The following PIK3R4 variants were observed in gnomAD, a reference collection of about 807,000 sequenced individuals.
The protein encoded by PIK3R4 is phosphoinositide 3-kinase regulatory subunit 4.
PIK3R4 carries 46 observed loss-of-function variants against 136.5 expected under a neutral mutation model. The ratio of observed to expected loss-of-function variants is 0.34; its 90% CI spans 0.27 to 0.43. PIK3R4 has a LOEUF of 0.43. Among genes scored for constraint, PIK3R4 ranks in the 20% least tolerant of loss-of-function variants. The probability of loss-of-function intolerance (pLI) is 1.00; values close to 1 mark genes in which losing one functional copy is unlikely to be tolerated. For synonymous variants in PIK3R4, 557 were observed against 566.7 expected, an observed-to-expected ratio of 0.98 and a Z score of 0.24; for missense variants, 1,331 against 1,649.5, an observed-to-expected ratio of 0.81 and a Z score of 3.35.
intron 7 of PIK3R4, among the ~76,000 whole-genome samples, chr3:130,722,833 G>C (rs1286359349): frequency 6.7e-6 from 1 of 149,850 alleles, no homozygotes; most frequent in Non-Finnish European, 1.5e-5. Flanking sequence ...GGAGCAGGCA[G>C]ATCATGAGGT....
intron 13 of PIK3R4, among the ~76,000 whole-genome samples, chr3:130,692,546 G>A (rs1027214572): frequency 1.1e-4 from 16 of 152,184 alleles, no homozygotes; most frequent in Middle Eastern, 3.4e-3. Flanking sequence ...TCATTTTTAG[G>A]CTTAATATTA....
chr3:130,683,778 T>G (rs190103176), intron 16 of PIK3R4, among the ~76,000 whole-genome samples: 244 of 152,254 alleles, frequency 1.6e-3, no homozygotes, highest in African/African-American at 5.6e-3. Flanking sequence ...TATTTTTAAC[T>G]ACGTATTAAA....
intron 16 of PIK3R4, 60 bp from the exon 17 acceptor site, chr3:130,681,651 C>A: frequency 9.8e-7 from 1 of 1,025,350 alleles, no homozygotes; most frequent in South Asian, 1.4e-5. Flanking sequence ...AAGATTACAA[C>A]AAAACAAATT....
chr3:130,713,630 G>T (rs905990103), intron 9 of PIK3R4, among the ~76,000 whole-genome samples: 2 of 152,104 alleles, frequency 1.3e-5, no homozygotes, highest in African/African-American at 2.4e-5. Flanking sequence ...GCCCCATGAG[G>T]TAACTAATGA....
chr3:130,716,731 G>A (rs1334835852), intron 8 of PIK3R4, 132 bp from the exon 9 acceptor site: 1 of 627,544 alleles, frequency 1.6e-6, no homozygotes, highest in Non-Finnish European at 2.7e-6. Context: ...ATCTGTAAGT[G>A]TGTAGAAGAA....
At chr3:130,708,882 A>G (rs937539234) in intron 9 of PIK3R4, among the ~76,000 whole-genome samples, 1 of 152,176 alleles carries the variant, frequency 6.6e-6, no homozygotes, top group African/African-American at 2.4e-5. Context: ...ATATTAAGCA[A>G]AAGAAAGTGT....
intron 13 of PIK3R4, among the ~76,000 whole-genome samples, chr3:130,695,513 C>T (rs2066541148): frequency 6.6e-6 from 1 of 152,088 alleles, no homozygotes; most frequent in Non-Finnish European, 1.5e-5. Context: ...TCCCTCCTGC[C>T]CAGGACTTTA....
intron 9 of PIK3R4, among the ~76,000 whole-genome samples, chr3:130,711,827 T>A (rs1331166767): frequency 6.6e-6 from 1 of 152,220 alleles, no homozygotes; most frequent in Non-Finnish European, 1.5e-5. Context: ...AGAAACTCCC[T>A]GGCCGGAGGG....
In PIK3R4 at chr3:130,744,518, TCTC is replaced by T. The variant is rs1341423010; in HGVS notation, c.698_700del (p.Gly233del). 1.1e-5 allele frequency: 18 copies of T among 1,613,820 alleles called. No individual in the cohort carries two copies. The highest frequency in any genetic ancestry group is 1.4e-5 in the Non-Finnish European group (17 of 1,179,910). On this transcript the variant is annotated inframe_deletion, in exon 2 of 20. Coordinates refer to ENST00000356763, the MANE Select transcript of PIK3R4 (RefSeq NM_014602.3). ...AAAGATGTCCATTGCTCTCTTCAAC[TCTC>T]CTCTTGTTCTCTGATTGCTATTTAA...
intron 16 of PIK3R4, among the ~76,000 whole-genome samples, chr3:130,682,733 C>G (rs1439209661): frequency 1.3e-5 from 2 of 152,136 alleles, no homozygotes; most frequent in African/African-American, 4.8e-5. Flanking sequence ...TTTAATACCC[C>G]CTACACCCAA....
chr3:130,740,183 A>G (rs1392677803), intron 2 of PIK3R4, among the ~76,000 whole-genome samples: 1 of 152,204 alleles, frequency 6.6e-6, no homozygotes, highest in Non-Finnish European at 1.5e-5. Context: ...GGGGGGAGGC[A>G]TTCTTCAAAA....
rs760859115 is a variant in PIK3R4 at position 130,734,022 on chromosome 3, G to A, written c.976C>T (p.Pro326Ser). Residue 326 changes from proline (P) to serine (S), a missense_variant, in exon 4 of 20, where the codon CCC (proline) becomes TCC (serine). By Grantham distance (74) the Pro-to-Ser change is moderately conservative (BLOSUM62 -1). Around this residue, in one of 2 missense-constraint regions of PIK3R4, gnomAD observed 1,180 missense variants for 1,407.0 expected, o/e 0.84. Transcript: ENST00000356763. ...TCCTTGGCAAACTGGGCCATGTAGG[G>A]CTGAAGAAAAGTGTAAAATATTTCA... ...FPEIFYTFLQ[P>S]YMAQFAKETF... 1 of 1,614,120 alleles carries A rather than the reference G, an allele frequency of 6.2e-7. No homozygotes were observed. The highest frequency in any genetic ancestry group is 2.2e-5 in the East Asian group (1 of 44,882).
At chr3:130,713,767 G>C (rs1223610030) in intron 9 of PIK3R4, among the ~76,000 whole-genome samples, 4 of 152,172 alleles carry the variant, frequency 2.6e-5, no homozygotes, top group Non-Finnish European at 5.9e-5. Context: ...CTGCCTCCCA[G>C]GTTCAAGCGA....
In PIK3R4 at chr3:130,734,018, T is replaced by G; in HGVS notation, c.980A>C (p.Tyr327Ser). ...PEIFYTFLQP[Y>S]MAQFAKETFL... is the part of the protein sequence containing the mutation. ...CGTTTCCTTGGCAAACTGGGCCATG[T>G]AGGGCTGAAGAAAAGTGTAAAATAT... Residue 327 changes from tyrosine (Y) to serine (S), a missense_variant, in exon 4 of 20, where the codon TAC (tyrosine) becomes TCC (serine). By Grantham distance (144) the Tyr-to-Ser change is moderately radical (BLOSUM62 -2). Around this residue, in one of 2 missense-constraint regions of PIK3R4, gnomAD observed 1,180 missense variants for 1,407.0 expected, o/e 0.84. Coordinates refer to ENST00000356763, the MANE Select transcript of PIK3R4 (RefSeq NM_014602.3). 4 of 1,614,168 alleles carry G rather than the reference T, an allele frequency of 2.5e-6. No individual in the cohort carries two copies. The highest frequency in any genetic ancestry group is 3.4e-6 in the Non-Finnish European group (4 of 1,179,992).
intron 5 of PIK3R4, among the ~76,000 whole-genome samples, chr3:130,729,016 G>C (rs2066748413): frequency 6.6e-6 from 1 of 152,176 alleles, no homozygotes; most frequent in Non-Finnish European, 1.5e-5. Context: ...TAAGATCCCA[G>C]TTAATCAAGG....
chr3:130,715,187 G>T (rs566126706), intron 9 of PIK3R4, among the ~76,000 whole-genome samples: 2 of 148,280 alleles, frequency 1.3e-5, no homozygotes, highest in Admixed American at 1.4e-4. Context: ...GCAGCGGTGC[G>T]ATCTTTGCTC....
In PIK3R4 at chr3:130,686,505, T is replaced by C. The variant is rs551541660; in HGVS notation, c.3264-83A>G. 21 of 809,278 alleles carry C rather than the reference T, an allele frequency of 2.6e-5. No individual in the cohort carries two copies. In the African/African-American group the frequency reaches 3.3e-4, roughly 13 times the overall value. The allele number at this position is 809,278 out of a possible 1,614,324, so 50.1% of individuals were successfully genotyped here. A position where few individuals can be genotyped will look rare whatever the true frequency, so the allele number is the denominator to read the frequency against. On this transcript the variant is annotated intron_variant, in intron 14 of 19. Transcript: ENST00000356763. ...CCCTTTAAGATGACTTTATATCCTATCCATAGTCAAGAAACCAGAGCTATG... is the reference window on the plus strand; with the variant it reads ...CCCTTTAAGATGACTTTATATCCTACCCATAGTCAAGAAACCAGAGCTATG...
chr3:130,738,207 A>G (rs1180966762), intron 2 of PIK3R4, among the ~76,000 whole-genome samples: 1 of 152,228 alleles, frequency 6.6e-6, no homozygotes, highest in Non-Finnish European at 1.5e-5. Flanking sequence ...GAAAAATACA[A>G]TTAAAATTAA....
rs772242905 is a variant in PIK3R4, at chr3:130,690,623, G to A, written c.3130C>T (p.Arg1044Ter). Residue 1044 changes from arginine (R) to a stop codon, truncating the protein, a stop_gained, in exon 14 of 20, where the codon CGA becomes TGA. Coordinates refer to ENST00000356763, the MANE Select transcript of PIK3R4 (RefSeq NM_014602.3). LOFTEE classifies it high-confidence loss of function. ...TGGCAGAATGTGAGCGTCTTGACTCGTCCTCCAATTCGGCTGTATGTAAGA... is the reference window on the plus strand; with the variant it reads ...TGGCAGAATGTGAGCGTCTTGACTCATCCTCCAATTCGGCTGTATGTAAGA... Reference protein sequence around the residue: ...SILTYSRIGGRVKTLTFCQGS... With the variant: ...SILTYSRIGG 2 of 1,610,128 alleles carry A rather than the reference G, an allele frequency of 1.2e-6. No individual in the cohort carries two copies. Among genetic ancestry groups the A allele is most frequent in the Non-Finnish European group, 1.7e-6 (2 of 1,177,004 alleles).
Sources: gnomAD v4.1 joint callset for allele counts (sites outside exome capture counted in the v4.1 genomes callset) on GRCh38, gnomAD v4.1.1 for gene constraint, gnomAD v4.1.1 regional missense constraint, MANE v1.5 for transcripts, NCBI Gene and HGNC (gene_info 2026-07-23, HGNC 2026-07-21) for gene names.